Variants in TEAD3 observed in about 807,000 individuals in gnomAD.
TEAD3 encodes TEA domain transcription factor 3.
In TEAD3, 15 loss-of-function variants were observed where a neutral mutation model predicts 55.6. The ratio of observed to expected loss-of-function variants is 0.27; its 90% confidence interval spans 0.18 to 0.42. The LOEUF is 0.42. TEAD3 is among the 10% of genes least tolerant of loss of function. The probability of loss-of-function intolerance (pLI) is 1.00; values close to 1 mark genes in which losing one functional copy is unlikely to be tolerated. For synonymous variants in TEAD3, 210 were observed against 232.2 expected, an observed-to-expected ratio of 0.90 and a Z score of 0.87; for missense variants, 407 against 576.8, an observed-to-expected ratio of 0.71 and a Z score of 3.01.
chr6:35,477,414 C>A (rs762854467), intron 7 of TEAD3, 42 bp from the exon 8 acceptor site: 1 of 1,568,572 alleles, frequency 6.4e-7, no homozygotes, highest in Admixed American at 1.8e-5. Flanking sequence ...TTCCCTCTTC[C>A]CTACCTTCCA....
At position 35,475,252 on chromosome 6, in the gene TEAD3, CCT is replaced by C. The variant is rs1387372100; in HGVS notation, c.1194+82_1194+83del. 3.3e-5 allele frequency: 53 copies of C among 1,601,376 alleles called. 1 individual carries two copies. Among genetic ancestry groups the C allele is most frequent in the Non-Finnish European group, 1.7e-6 (2 of 1,172,894 alleles). On this transcript the variant is annotated intron_variant, in intron 12 of 12. Coordinates refer to ENST00000639578, the Ensembl canonical transcript of TEAD3. This position sits in a 1 kb window ranked among gnomAD's most constrained non-coding sequence, Gnocchi z 5.4. The stretch of plus-strand genomic sequence containing the variant: ...GACCATTCTCCTTTCCGGATCTATG[CCT>C]CTCAGCCAAGCGATGTGTCTGGCTA...
chr6:35,488,827 G>T lies in TEAD3; in HGVS notation c.-49-2116C>A, dbSNP rs981838151. Among the ~76,000 whole-genome samples the T allele has an allele frequency of 1.3e-5, 2 of 152,154 alleles. No homozygotes were observed. Among genetic ancestry groups the T allele is most frequent in the African/African-American group, 2.4e-5 (1 of 41,436 alleles). On this transcript the variant is annotated intron_variant, in intron 1 of 12. Coordinates refer to ENST00000639578, the Ensembl canonical transcript of TEAD3. The surrounding 1 kb of genome is among the most constrained non-coding windows in gnomAD (Gnocchi z 4.2). ...CAACCTCCACCTCCTGGGTTCAAGC[G>T]ATTCTCCTGCCTCAGACTCCCATGC...
chr6:35,477,480 G>A, intron 7 of TEAD3, 108 bp from the exon 8 acceptor site: 2 of 1,044,840 alleles, frequency 1.9e-6, no homozygotes, highest in Non-Finnish European at 2.8e-6. Context: ...CCTTTCTGCT[G>A]AGGCCCAGAA....
At chr6:35,479,953 C>T in intron 4 of TEAD3, 1 of 1,006,700 alleles carries the variant, frequency 9.9e-7, no homozygotes, top group South Asian at 1.4e-5. Flanking sequence ...GACCCCCTCA[C>T]AGCTTCTCAG....
intron 4 of TEAD3, chr6:35,480,012 C>T (rs1208486684): frequency 2.8e-6 from 4 of 1,437,320 alleles, no homozygotes; most frequent in East Asian, 3.1e-5. Context: ...CAGGCCTGCA[C>T]CCAGGAGGGT....
intron 3 of TEAD3, among the ~76,000 whole-genome samples, chr6:35,482,361 T>A (rs925920889): frequency 6.6e-6 from 1 of 152,188 alleles, no homozygotes; most frequent in Non-Finnish European, 1.5e-5. Flanking sequence ...AGAGGACAGA[T>A]CCCCTTTCAC....
chr6:35,486,777 C>G lies in TEAD3; in HGVS notation c.-49-66G>C. The G allele has an allele frequency of 3.5e-6, 4 of 1,157,046 alleles. No individual in the cohort carries two copies. The highest frequency in any genetic ancestry group is 1.5e-5 in the South Asian group (1 of 67,364). The allele number at this position is 1,157,046 out of a possible 1,614,324, so 71.7% of individuals were successfully genotyped here. On this transcript the variant is annotated intron_variant, in intron 1 of 12. Transcript: ENST00000639578. This position sits in a 1 kb window ranked among gnomAD's most constrained non-coding sequence, Gnocchi z 7.3. ...TCGACCACAGCAATCTCCTATCCCACAGCCGCTGGCTCTGGAGCTCCGCCC... is the reference window on the plus strand; with the variant it reads ...TCGACCACAGCAATCTCCTATCCCAGAGCCGCTGGCTCTGGAGCTCCGCCC...
At position 35,486,626 on chromosome 6, in the gene TEAD3, C is replaced by T. The variant is rs1199407958; in HGVS notation, c.37G>A (p.Gly13Arg). The T allele has an allele frequency of 6.2e-7, 1 of 1,613,116 alleles. No individual in the cohort carries two copies. The highest frequency in any genetic ancestry group is 8.5e-7 in the Non-Finnish European group (1 of 1,179,748). Residue 13 changes from glycine (G) to arginine (R), a missense_variant, in exon 2 of 13, where the codon GGG (glycine) becomes AGG (arginine). Gly to Arg is a moderately radical substitution (Grantham distance 125). Transcript: ENST00000639578. This position sits in a 1 kb window ranked among gnomAD's most constrained non-coding sequence, Gnocchi z 7.3. ...TCGGGCCCATCCTCCCGGGCCTCCCCGGGGCTGCTGCTGGCGTTCCAGCTG... is the reference window on the plus strand; with the variant it reads ...TCGGGCCCATCCTCCCGGGCCTCCCTGGGGCTGCTGCTGGCGTTCCAGCTG...
chr6:35,486,689 C>T lies in TEAD3; in HGVS notation c.-27G>A, dbSNP rs762033245. On this transcript the variant is annotated 5_prime_UTR_variant, in exon 2 of 13. Coordinates refer to ENST00000639578, the Ensembl canonical transcript of TEAD3. The surrounding 1 kb of genome is among the most constrained non-coding windows in gnomAD (Gnocchi z 7.3). ...GTGCTGGTTGCTCTGGGCTCTGGGC[C>T]TGAGCCCACTGGGCGGCTGAGCCTG... 6.2e-7 allele frequency: 1 copy of T among 1,604,866 alleles called. No homozygotes were observed. Among genetic ancestry groups the T allele is most frequent in the East Asian group, 2.2e-5 (1 of 44,734 alleles).
Position 35,485,044 on chromosome 6 carries a change from C to T in TEAD3, c.203-420G>A, listed in dbSNP as rs1768345546. Among the ~76,000 whole-genome samples the T allele has an allele frequency of 6.6e-6, 1 of 152,184 alleles. No individual in the cohort carries two copies. On this transcript the variant is annotated intron_variant, in intron 2 of 12. Coordinates refer to ENST00000639578, the Ensembl canonical transcript of TEAD3. The surrounding 1 kb of genome is among the most constrained non-coding windows in gnomAD (Gnocchi z 4.3). ...TGCTTCCTGCCTGTGTCACCAGCTCCAGTACTCTTAGTGCATGGATTTGTG... is the reference window on the plus strand; with the variant it reads ...TGCTTCCTGCCTGTGTCACCAGCTCTAGTACTCTTAGTGCATGGATTTGTG...
At chr6:35,495,615 C>T (rs997290599) in intron 1 of TEAD3, among the ~76,000 whole-genome samples, 2 of 152,190 alleles carry the variant, frequency 1.3e-5, no homozygotes, top group Admixed American at 6.5e-5. Flanking sequence ...AGTGCCCCTA[C>T]GAGAGGGGTC....
At chr6:35,495,876 T>G (rs1768633805) in intron 1 of TEAD3, among the ~76,000 whole-genome samples, 1 of 152,206 alleles carries the variant, frequency 6.6e-6, no homozygotes, top group Non-Finnish European at 1.5e-5. Context: ...CTGACCTGGT[T>G]CTGCCCCTAC....
chr6:35,480,747 C>T (rs955199357), intron 3 of TEAD3, among the ~76,000 whole-genome samples: 3 of 152,212 alleles, frequency 2.0e-5, no homozygotes, highest in African/African-American at 7.2e-5. Flanking sequence ...GCCCAAAGGG[C>T]ACCAGTGAGG....
At chr6:35,487,460 G>A (rs1261580031) in intron 1 of TEAD3, among the ~76,000 whole-genome samples, 1 of 149,408 alleles carries the variant, frequency 6.7e-6, no homozygotes, top group Non-Finnish European at 1.5e-5. Flanking sequence ...GCTGAAGCAG[G>A]AGAATCGCTT....
intron 1 of TEAD3, among the ~76,000 whole-genome samples, chr6:35,489,604 C>T (rs1286991436): frequency 6.6e-6 from 1 of 152,192 alleles, no homozygotes; most frequent in South Asian, 2.1e-4. Flanking sequence ...GAGCTGTGCC[C>T]CTGACCTGTC....
Position 35,475,571 on chromosome 6 carries a change from C to G in TEAD3, c.1036G>C (p.Val346Leu), listed in dbSNP as rs973083576. Residue 346 changes from valine to leucine, a missense_variant, in exon 11 of 13, where the codon GTG becomes CTG. Transcript: ENST00000639578. The surrounding 1 kb of genome is among the most constrained non-coding windows in gnomAD (Gnocchi z 5.4). Reference sequence around the variant, plus strand: ...CACCCAGAGCCCCCACTCACCTCCACCTTCTCTACCACCTGTTTGCCAAAG... The same window carrying G: ...CACCCAGAGCCCCCACTCACCTCCAGCTTCTCTACCACCTGTTTGCCAAAG... The G allele has an allele frequency of 5.0e-6, 8 of 1,609,820 alleles. No individual in the cohort carries two copies. The African/African-American group carries it at 1.1e-4, about 21-fold the overall frequency.
intron 1 of TEAD3, among the ~76,000 whole-genome samples, chr6:35,495,978 T>C (rs1488166608): frequency 6.6e-6 from 1 of 152,186 alleles, no homozygotes; most frequent in Non-Finnish European, 1.5e-5. Context: ...CTCTCAGCCC[T>C]GGATCAGGGC....
intron 8 of TEAD3, 95 bp downstream of exon 8, chr6:35,477,216 C>T: frequency 7.4e-7 from 1 of 1,354,144 alleles, no homozygotes; most frequent in Non-Finnish European, 1.0e-6. Flanking sequence ...TGTCGCAACC[C>T]CCTCCCTCCC....
At chr6:35,476,466 T>C (rs1218663507) in intron 8 of TEAD3, 31 bp from the exon 9 acceptor site, 2 of 1,610,970 alleles carry the variant, frequency 1.2e-6, no homozygotes, top group Admixed American at 1.7e-5. Flanking sequence ...TTCATCTGCA[T>C]GGATGCATGC....
Sources: gnomAD v4.1 joint callset for allele counts (sites outside exome capture counted in the v4.1 genomes callset) on GRCh38, gnomAD v4.1.1 for gene constraint, Gnocchi (gnomAD v3.1) non-coding constraint, MANE v1.5 for transcripts, NCBI Gene and HGNC (gene_info 2026-07-23, HGNC 2026-07-21) for gene names.